Variants in SGCZ observed in about 807,000 individuals in gnomAD.
SGCZ encodes sarcoglycan zeta, also known as zeta-sarcoglycan.
Under a neutral mutation model 41.3 loss-of-function variants are expected in SGCZ, and 40 were observed. The observed-to-expected ratio is 0.97, with a 90% CI of 0.75 to 1.26. SGCZ has a LOEUF of 1.26. Among genes scored for constraint, SGCZ ranks in the 50% most tolerant of loss-of-function variants. The pLI is 0.00. For missense variants in SGCZ, 552 were observed against 369.8 expected (o/e 1.49, Z -4.04); for synonymous variants, 206 against 137.5 (o/e 1.50, Z -3.49).
At chr8:14,340,209 T>C (rs1214457160) in intron 2 of SGCZ, among the ~76,000 whole-genome samples, 3 of 152,152 alleles carry the variant, frequency 2.0e-5, no homozygotes, top group Non-Finnish European at 4.4e-5. Flanking sequence ...GTCATTAATG[T>C]ATCCAGTTAA....
rs562454631 is a variant in SGCZ at position 14,087,799 on chromosome 8, G to C, written c.*2644C>G. ...TCTTCTAAGCCTTCACAATAGGCTT[G>C]ATCTCTCTGAGGCAGGGATCTTGGC... On this transcript the variant is annotated 3_prime_UTR_variant, in exon 8 of 8. Coordinates refer to ENST00000382080, the MANE Select transcript of SGCZ (RefSeq NM_139167.4). Among the ~76,000 whole-genome samples, 24 of 151,694 alleles carry C rather than the reference G, an allele frequency of 1.6e-4. No individual in the cohort carries two copies. The highest frequency in any genetic ancestry group is 5.8e-4 in the African/African-American group (24 of 41,480).
At chr8:15,103,396 G>C (rs1473069426) in intron 1 of SGCZ, among the ~76,000 whole-genome samples, 1 of 74,578 alleles carries the variant, frequency 1.3e-5, no homozygotes, top group African/African-American at 5.7e-5. Flanking sequence ...GTGAGACCCT[G>C]TCTCTAAATA....
rs183011928 is a variant in SGCZ, at chr8:14,493,573, G to A, written c.234+61159C>T. Among the ~76,000 whole-genome samples, 20 of 150,934 alleles carry A rather than the reference G, an allele frequency of 1.3e-4. 1 individual carries two copies. The highest frequency in any genetic ancestry group is 4.6e-4 in the African/African-American group (19 of 41,144). ...AGTAGAGATGGGGTTTCACCATGTT[G>A]GCCAATATGGTCTCGATATCGTGAC... On this transcript the variant is annotated intron_variant, in intron 2 of 7. Coordinates refer to ENST00000382080, the MANE Select transcript of SGCZ (RefSeq NM_139167.4).
At chr8:14,711,123 C>T (rs1040821679) in intron 1 of SGCZ, among the ~76,000 whole-genome samples, 2 of 152,114 alleles carry the variant, frequency 1.3e-5, no homozygotes, top group African/African-American at 4.8e-5. Context: ...GTATGCCTGA[C>T]ACAGCACTAG....
At chr8:14,755,025 T>C (rs1799615140) in intron 1 of SGCZ, among the ~76,000 whole-genome samples, 1 of 152,210 alleles carries the variant, frequency 6.6e-6, no homozygotes, top group African/African-American at 2.4e-5. Context: ...ACACTGCACC[T>C]GGCCTGGATT....
chr8:15,229,917 T>C (rs1245895821), intron 1 of SGCZ, among the ~76,000 whole-genome samples: 1 of 152,200 alleles, frequency 6.6e-6, no homozygotes, highest in African/African-American at 2.4e-5. Flanking sequence ...TAAAAACATG[T>C]GTGGAAATAA....
At chr8:14,426,573 G>A (rs1799788808) in intron 2 of SGCZ, among the ~76,000 whole-genome samples, 1 of 152,116 alleles carries the variant, frequency 6.6e-6, no homozygotes, top group Non-Finnish European at 1.5e-5. Flanking sequence ...ATACGCCTAA[G>A]GGAGAAGTTT....
At chr8:14,931,813 T>C in intron 1 of SGCZ, among the ~76,000 whole-genome samples, 1 of 151,958 alleles carries the variant, frequency 6.6e-6, no homozygotes, top group East Asian at 1.9e-4. Flanking sequence ...CTCCCAACAT[T>C]CTTATTTCAC....
chr8:15,049,567 G>A (rs898486857), intron 1 of SGCZ, among the ~76,000 whole-genome samples: 5 of 152,148 alleles, frequency 3.3e-5, no homozygotes, highest in Admixed American at 2.0e-4. Flanking sequence ...GCCAGGAGTG[G>A]AAGCATGGAG....
At chr8:15,012,234 G>A (rs1384400143) in intron 1 of SGCZ, among the ~76,000 whole-genome samples, 2 of 151,820 alleles carry the variant, frequency 1.3e-5, no homozygotes, top group African/African-American at 4.8e-5. Flanking sequence ...AAGATGAGGT[G>A]GGAGGATCAC....
At position 14,978,802 on chromosome 8, in the gene SGCZ, G is replaced by C. The variant is rs369209576; in HGVS notation, c.39+258783C>G. 2.2e-3 allele frequency among the ~76,000 whole-genome samples: 319 copies of C among 148,358 alleles called. 2 individuals are homozygous for C. Among genetic ancestry groups the C allele is most frequent in the African/African-American group, 7.5e-3 (306 of 40,908 alleles). On this transcript the variant is annotated intron_variant, in intron 1 of 7. Coordinates refer to ENST00000382080, the MANE Select transcript of SGCZ (RefSeq NM_139167.4). The stretch of plus-strand genomic sequence containing the variant: ...CTGCCATCAGAGTTTACAATTTTTT[G>C]TTTTGTTTTGTTTTGAGATGGGGTC...
intron 7 of SGCZ, among the ~76,000 whole-genome samples, chr8:14,093,553 C>T (rs538934675): frequency 5.3e-5 from 8 of 151,914 alleles, no homozygotes; most frequent in Non-Finnish European, 1.0e-4. Context: ...TTCCTCAAAC[C>T]GAAATACTTT....
intron 1 of SGCZ, among the ~76,000 whole-genome samples, chr8:14,764,461 T>C (rs1799980041): frequency 6.6e-6 from 1 of 152,174 alleles, no homozygotes; most frequent in African/African-American, 2.4e-5. Context: ...ACATAATGTC[T>C]CTTGAAGTGA....
At chr8:14,659,385 G>A (rs961896129) in intron 1 of SGCZ, among the ~76,000 whole-genome samples, 2 of 152,162 alleles carry the variant, frequency 1.3e-5, no homozygotes, top group Admixed American at 6.5e-5. Flanking sequence ...CAATTATAAT[G>A]TAAAAATTAA....
chr8:14,751,864 A>G (rs577182482), intron 1 of SGCZ, among the ~76,000 whole-genome samples: 1 of 151,920 alleles, frequency 6.6e-6, no homozygotes, highest in South Asian at 2.1e-4. Context: ...CCCGGGAGGC[A>G]GAGCTTGCAC....
chr8:15,227,347 T>G (rs1325362787), intron 1 of SGCZ, among the ~76,000 whole-genome samples: 1 of 152,228 alleles, frequency 6.6e-6, no homozygotes, highest in Non-Finnish European at 1.5e-5. Context: ...AATATTCATA[T>G]AATGCATATA....
intron 1 of SGCZ, among the ~76,000 whole-genome samples, chr8:14,774,121 G>T (rs537229427): frequency 1.3e-5 from 2 of 152,220 alleles, no homozygotes; most frequent in Admixed American, 6.5e-5. Context: ...AAAGCAGACT[G>T]CCCTCCATAA....
chr8:14,444,016 C>T (rs1800353947), intron 2 of SGCZ, among the ~76,000 whole-genome samples: 1 of 152,146 alleles, frequency 6.6e-6, no homozygotes, highest in African/African-American at 2.4e-5. Flanking sequence ...TGAACAGACG[C>T]TTCTCAAAAG....
chr8:14,841,600 C>T (rs145364982), intron 1 of SGCZ, among the ~76,000 whole-genome samples: 125 of 152,064 alleles, frequency 8.2e-4, no homozygotes, highest in African/African-American at 2.9e-3. Context: ...TAATTTATTT[C>T]GGCGTTAAAC....
Sources: allele counts gnomAD v4.1 joint callset (sites outside exome capture counted in the v4.1 genomes callset), GRCh38; gene constraint gnomAD v4.1.1; transcripts MANE v1.5; gene names NCBI Gene and HGNC (gene_info 2026-07-23, HGNC 2026-07-21).